DENND4B: variants seen among roughly 807,000 people sequenced by gnomAD.
DENND4B encodes the protein DENN domain-containing protein 4B.
Under a neutral mutation model 161.0 loss-of-function variants are expected in DENND4B, and 67 were observed. That is an observed-to-expected ratio of 0.42 (90% CI 0.34 to 0.51). DENND4B has a LOEUF of 0.51. Ranked by LOEUF, DENND4B falls within the 20% of genes least tolerant of loss-of-function variation. DENND4B has a pLI of 0.08. For missense variants in DENND4B, 1,481 were observed against 1,968.0 expected (o/e 0.75, Z 4.68); for synonymous variants, 753 against 813.8 (o/e 0.93, Z 1.27).
At chr1:153,939,099 C>T (rs367693291) in intron 12 of DENND4B, 54 bp from the exon 13 acceptor site, 13 of 1,587,046 alleles carry the variant, frequency 8.2e-6, no homozygotes, top group African/African-American at 2.7e-5. Flanking sequence ...CTCTCCACCA[C>T]AGCCATAGCT....
At position 153,933,530 on chromosome 1, in the gene DENND4B, C is replaced by A; in HGVS notation, c.3283G>T (p.Asp1095Tyr). 1 of 1,552,402 alleles carries A rather than the reference C, an allele frequency of 6.4e-7. No individual in the cohort carries two copies. The highest frequency in any genetic ancestry group is 1.2e-5 in the South Asian group (1 of 80,642). The change falls in exon 20 of 28, where the codon GAC becomes TAC. Residue 1095 changes from aspartate to tyrosine, a missense_variant. Asp to Tyr is a radical substitution (Grantham distance 160). Transcript: ENST00000361217. This position sits in a 1 kb window ranked among gnomAD's most constrained non-coding sequence, Gnocchi z 5.7. ...CGCTCCCGGGGGTGCAGAAGACTGT[C>A]CATGGGGCTGCGGCGGGCTGGGGGT... ...LPPPARRSPM[D>Y]SLLHPRERPG... is the part of the protein sequence containing the mutation.
Position 153,936,441 on chromosome 1 carries a change from C to T in DENND4B, c.2439+101G>A. The T allele has an allele frequency of 7.4e-7, 1 of 1,345,134 alleles. No individual in the cohort carries two copies. Among genetic ancestry groups the T allele is most frequent in the Non-Finnish European group, 1.0e-6 (1 of 997,260 alleles). The allele number at this position is 1,345,134 out of a possible 1,614,324, so 83.3% of individuals were successfully genotyped here. ...TCTGCCCAGCTCTGGGGCTCTGCAA[C>T]TTCTTTCCTTAGTCTCCACCAAGTT... On this transcript the variant is annotated intron_variant, in intron 16 of 27. Transcript: ENST00000361217. This position sits in a 1 kb window ranked among gnomAD's most constrained non-coding sequence, Gnocchi z 4.1.
intron 6 of DENND4B, 129 bp from the exon 7 acceptor site, chr1:153,941,569 A>G (rs1679673839): frequency 1.9e-5 from 23 of 1,205,152 alleles, no homozygotes; most frequent in Non-Finnish European, 2.3e-5. Context: ...GAGACCTGTT[A>G]TCAGCCAACA....
chr1:153,939,273 C>CT (rs1402396726), intron 12 of DENND4B, among the ~76,000 whole-genome samples: 16 of 137,194 alleles, frequency 1.2e-4, no homozygotes, highest in South Asian at 2.5e-4. Flanking sequence ...CTGCCTCAGA[C>CT]TGGGGGGGGT....
rs1221501326 is a variant in DENND4B at position 153,932,888 on chromosome 1, C to T, written c.3596G>A (p.Ser1199Asn). 1.9e-6 allele frequency: 3 copies of T among 1,613,868 alleles called. No individual in the cohort carries two copies. Among genetic ancestry groups the T allele is most frequent in the African/African-American group, 2.7e-5 (2 of 74,922 alleles). The change falls in exon 22 of 28, where the codon AGT becomes AAT. Residue 1199 changes from serine (S) to asparagine (N), a missense_variant. Physicochemically the swap from Ser to Asn is conservative, Grantham distance 46 (BLOSUM62 1). Coordinates refer to ENST00000361217, the MANE Select transcript of DENND4B (RefSeq NM_014856.3). This position sits in a 1 kb window ranked among gnomAD's most constrained non-coding sequence, Gnocchi z 5.8. ...FCACPFVPLL[S>N]VQTLDSRPSV... ...GGGCCGGGAATCAAGGGTCTGGACA[C>T]TGAGCAGGGGCACAAAGGGGCAGGC...
chr1:153,942,446 CG>C lies in DENND4B; in HGVS notation c.641-91del, dbSNP rs368569542. The C allele has an allele frequency of 3.4e-4, 540 of 1,567,088 alleles. 3 individuals carry two copies. In the South Asian group the frequency reaches 6.0e-3, roughly 17 times the overall value. Reference sequence around the variant, plus strand: ...GAACCAAGGGATCCCAGAGAAGGCCCGAGTAGCAAAGAGAAAGTAAACTCTG... The same window carrying C: ...GAACCAAGGGATCCCAGAGAAGGCCCAGTAGCAAAGAGAAAGTAAACTCTG... On this transcript the variant is annotated intron_variant, in intron 4 of 27. Transcript: ENST00000361217. The surrounding 1 kb of genome is among the most constrained non-coding windows in gnomAD (Gnocchi z 6.9).
In DENND4B at chr1:153,932,595, A is replaced by G. The variant is rs770266331; in HGVS notation, c.3759+47T>C. ...CTCCCTGGCACCCCACAGGCCCCAC[A>G]CAGGGCAACATTCCCGTTCCTCATG... On this transcript the variant is annotated intron_variant, in intron 23 of 27. Transcript: ENST00000361217. The surrounding 1 kb of genome is among the most constrained non-coding windows in gnomAD (Gnocchi z 5.8). 3.1e-6 allele frequency: 5 copies of G among 1,589,538 alleles called. No individual in the cohort carries two copies. In the South Asian group the frequency reaches 5.7e-5, roughly 18 times the overall value.
rs1380077581 is a variant in DENND4B at position 153,931,002 on chromosome 1, T to C, written c.4059A>G (p.Val1353=). ...GGCAGCTATTGGGGTCAGGGGTCAGTACATCCCACAGCAGCCGTACCTGAA... is the reference window on the plus strand; with the variant it reads ...GGCAGCTATTGGGGTCAGGGGTCAGCACATCCCACAGCAGCCGTACCTGAA... ...ASVQVRLLWD[V]LTPDPNSCPP... is the part of the protein sequence containing the mutation. The change falls in exon 25 of 28, where the codon GTA becomes GTG. Residue 1353 remains valine, a synonymous_variant. Coordinates refer to ENST00000361217, the MANE Select transcript of DENND4B (RefSeq NM_014856.3). 6.2e-7 allele frequency: 1 copy of C among 1,612,670 alleles called. No individual in the cohort carries two copies. Among genetic ancestry groups the C allele is most frequent in the Admixed American group, 1.7e-5 (1 of 59,844 alleles).
At chr1:153,941,334 C>A in intron 7 of DENND4B, 40 bp downstream of exon 7, 1 of 1,613,594 alleles carries the variant, frequency 6.2e-7, no homozygotes, top group South Asian at 1.1e-5. Context: ...GATGCCAACT[C>A]CCCTCCTTCC....
chr1:153,945,307 C>T, intron 1 of DENND4B: 1 of 533,554 alleles, frequency 1.9e-6, no homozygotes, highest in South Asian at 1.8e-5. Flanking sequence ...GGGGAAGCTG[C>T]AACTCAGAGG....
chr1:153,941,791 C>CCCCCCA, intron 6 of DENND4B, 78 bp downstream of exon 6: 3 of 1,344,954 alleles, frequency 2.2e-6, no homozygotes, highest in Non-Finnish European at 2.1e-6. Flanking sequence ...CCCCCACCCA[C>CCCCCCA]ATCTGAATCT....
rs2102066129 is a variant in DENND4B at position 153,942,433 on chromosome 1, C to A, written c.641-77G>T. On this transcript the variant is annotated intron_variant, in intron 4 of 27. Transcript: ENST00000361217. This position sits in a 1 kb window ranked among gnomAD's most constrained non-coding sequence, Gnocchi z 6.9. ...CTCCAAGGGAAATGAACCAAGGGAT[C>A]CCAGAGAAGGCCCGAGTAGCAAAGA... The A allele has an allele frequency of 1.3e-6, 2 of 1,576,986 alleles. No individual in the cohort carries two copies. Among genetic ancestry groups the A allele is most frequent in the East Asian group, 4.7e-5 (2 of 42,970 alleles).
rs771137366 is a variant in DENND4B, at chr1:153,944,357, G to A, written c.18C>T (p.Pro6=). The change falls in exon 2 of 28, where the codon CCC becomes CCT. Residue 6 remains proline (P), a synonymous_variant. Transcript: ENST00000361217. This position sits in a 1 kb window ranked among gnomAD's most constrained non-coding sequence, Gnocchi z 4.8. The part of the protein sequence containing the change: MAEER[P]PRLVDYFVVA... Reference sequence around the variant, plus strand: ...CCACGAAGTAATCCACCAGCCGGGGGGGCCGCTCCTCCGCCATGGCCCCCC... The same window carrying A: ...CCACGAAGTAATCCACCAGCCGGGGAGGCCGCTCCTCCGCCATGGCCCCCC... 4 of 1,607,292 alleles carry A rather than the reference G, an allele frequency of 2.5e-6. No homozygotes were observed. Among genetic ancestry groups the A allele is most frequent in the Admixed American group, 3.4e-5 (2 of 59,284 alleles).
At chr1:153,941,771 C>CCCGGGGGGGGG in intron 6 of DENND4B, 98 bp downstream of exon 6, 1 of 1,465,972 alleles carries the variant, frequency 6.8e-7, no homozygotes, top group Non-Finnish European at 9.3e-7. Flanking sequence ...TTACCCTGTG[C>CCCGGGGGGGGG]CCAGCCCTCC....
intron 24 of DENND4B, among the ~76,000 whole-genome samples, chr1:153,931,779 A>G (rs1678956118): frequency 6.7e-6 from 1 of 150,342 alleles, no homozygotes; most frequent in Non-Finnish European, 1.5e-5. Context: ...TACAGGCGTG[A>G]GCCACCACAC....
chr1:153,945,249 TG>T, intron 1 of DENND4B: 6 of 1,096,390 alleles, frequency 5.5e-6, no homozygotes, highest in Non-Finnish European at 7.3e-6. Flanking sequence ...CCCAGAAGCG[TG>T]GGGGGTGCTT....
intron 11 of DENND4B, 87 bp from the exon 12 acceptor site, chr1:153,939,891 G>A: frequency 6.0e-6 from 8 of 1,338,438 alleles, no homozygotes; most frequent in Non-Finnish European, 8.3e-6. Flanking sequence ...TCCACCTCCA[G>A]CCTCTGGCAG....
chr1:153,934,089 A>C lies in DENND4B; in HGVS notation c.2941+46T>G. ...TTCCCCACCTCACTAGCAAGTGGTT[A>C]GGAAAGCTGACTGGGGGAGTGAGGG... On this transcript the variant is annotated intron_variant, in intron 19 of 27. Coordinates refer to ENST00000361217, the MANE Select transcript of DENND4B (RefSeq NM_014856.3). This position sits in a 1 kb window ranked among gnomAD's most constrained non-coding sequence, Gnocchi z 5.3. The C allele has an allele frequency of 6.6e-7, 1 of 1,505,006 alleles. No individual in the cohort carries two copies. Among genetic ancestry groups the C allele is most frequent in the Middle Eastern group, 2.3e-4 (1 of 4,374 alleles). 93.2% of individuals were successfully genotyped at this position (1,505,006 alleles called of 1,614,324 possible).
At chr1:153,939,499 C>T (rs888485778) in intron 12 of DENND4B, 90 bp downstream of exon 12, 1 of 1,394,794 alleles carries the variant, frequency 7.2e-7, no homozygotes, top group Non-Finnish European at 9.8e-7. Context: ...AATGGAGTGG[C>T]TCCCAGTCCC....
Sources: allele counts gnomAD v4.1 joint callset (sites outside exome capture counted in the v4.1 genomes callset), GRCh38; gene constraint gnomAD v4.1.1; non-coding constraint Gnocchi (gnomAD v3.1); transcripts MANE v1.5; gene names NCBI Gene and HGNC (gene_info 2026-07-23, HGNC 2026-07-21).